Variants in DST observed in about 807,000 individuals in gnomAD.
DST encodes dystonin.
A neutral mutation model predicts 875.2 loss-of-function variants in DST; 253 were observed. The ratio of observed to expected loss-of-function variants is 0.29; its 90% CI spans 0.26 to 0.32. The LOEUF (loss-of-function observed/expected upper bound fraction) is 0.32, where lower values mean the gene tolerates loss of function less well. DST is among the 10% of genes least tolerant of loss of function. DST has a pLI of 1.00. For synonymous variants in DST, 3,124 were observed against 3,197.1 expected (o/e 0.98, Z 0.77); for missense variants, 8,287 against 9,111.6 (o/e 0.91, Z 3.68).
chr6:56,759,890 G>T (rs1343727857), intron 4 of DST, among the ~76,000 whole-genome samples: 1 of 152,208 alleles, frequency 6.6e-6, no homozygotes, highest in Non-Finnish European at 1.5e-5. Context: ...TCTAAGCAAA[G>T]TGAGTCCTTG....
chr6:56,460,373 G>A, intron 102 of DST, 119 bp from the exon 103 acceptor site: 1 of 1,043,984 alleles, frequency 9.6e-7, no homozygotes, highest in Non-Finnish European at 1.4e-6. Flanking sequence ...AGGAGGTGAA[G>A]GGGGAGAAAC....
In DST at chr6:56,899,227, T is replaced by C. The variant is rs545694666; in HGVS notation, c.417+1194A>G. On this transcript the variant is annotated intron_variant, in intron 3 of 103. Coordinates refer to ENST00000680361, the MANE Select transcript of DST (RefSeq NM_001374736.1). ...ATCTGTATGTCCCTTATTTTCTACA[T>C]AAAATGCATGTTTGTTGAATGAGTA... is the stretch of plus-strand genomic sequence containing the variant. Among the ~76,000 whole-genome samples the C allele has an allele frequency of 1.2e-3, 189 of 152,370 alleles. 2 individuals are homozygous for C. In the South Asian group the frequency reaches 0.015, roughly 12 times the overall value.
intron 3 of DST, among the ~76,000 whole-genome samples, chr6:56,867,916 C>A (rs1310090010): frequency 6.6e-6 from 1 of 152,088 alleles, no homozygotes; most frequent in Admixed American, 6.5e-5. Context: ...GCATCTCAGA[C>A]TTCTTGATTC....
intron 3 of DST, among the ~76,000 whole-genome samples, chr6:56,868,077 G>A (rs1332289395): frequency 6.6e-6 from 1 of 151,840 alleles, no homozygotes; most frequent in Admixed American, 6.6e-5. Context: ...TAAATGTCTG[G>A]GTTTTCTAAA....
intron 10 of DST, among the ~76,000 whole-genome samples, chr6:56,661,955 A>C (rs1420421352): frequency 1.3e-5 from 2 of 152,152 alleles, no homozygotes; most frequent in Non-Finnish European, 2.9e-5. Context: ...TTTTCCCCCT[A>C]AACTCGTAAT....
chr6:56,717,707 C>A lies in DST; in HGVS notation c.688-13338G>T, dbSNP rs77741145. ...CCACCAATTACTATTTTGGCTCCACCCAGAAATGACACAGGTTCATAAGGA... is the reference window on the plus strand; with the variant it reads ...CCACCAATTACTATTTTGGCTCCACACAGAAATGACACAGGTTCATAAGGA... On this transcript the variant is annotated intron_variant, in intron 5 of 103. Coordinates refer to ENST00000680361, the MANE Select transcript of DST (RefSeq NM_001374736.1). Among the ~76,000 whole-genome samples, 1,442 of 151,870 alleles carry A rather than the reference C, an allele frequency of 9.5e-3. 24 individuals carry two copies. The highest frequency in any genetic ancestry group is 0.033 in the African/African-American group (1,367 of 41,336).
intron 69 of DST, among the ~76,000 whole-genome samples, chr6:56,519,294 T>C (rs561556215): frequency 1.3e-5 from 2 of 152,270 alleles, no homozygotes; most frequent in African/African-American, 4.8e-5. Context: ...AACCACTCTA[T>C]TCCAACCAAA....
rs997675488 is a variant in DST at position 56,954,675 on chromosome 6, C to T, written c.-88G>A. On this transcript the variant is annotated 5_prime_UTR_variant, in exon 1 of 104. Transcript: ENST00000680361. ...GCTGGGCGCACGCCGGGACGGCGGG[C>T]ACGGGTGAGCGCGGCTCAGCGCGTC... is the stretch of plus-strand genomic sequence containing the variant. The T allele has an allele frequency of 7.4e-6, 7 of 944,024 alleles. No homozygotes were observed. The highest frequency in any genetic ancestry group is 9.3e-6 in the Non-Finnish European group (7 of 756,348). The allele number at this position is 944,024 out of a possible 1,614,324, so 58.5% of individuals were successfully genotyped here. A position where few individuals can be genotyped will look rare whatever the true frequency, so the allele number is the denominator to read the frequency against.
chr6:56,930,507 T>G lies in DST; in HGVS notation c.216+23278A>C, dbSNP rs900607216. Among the ~76,000 whole-genome samples, 13 of 152,228 alleles carry G rather than the reference T, an allele frequency of 8.5e-5. 1 individual carries two copies. The highest frequency in any genetic ancestry group is 2.2e-4 in the African/African-American group (9 of 41,450). On this transcript the variant is annotated intron_variant, in intron 2 of 103. Transcript: ENST00000680361. ...AAATCTTTAGTTATATCTTCCTTTTTGTATACAATATTCAATGATAGATTT... is the reference window on the plus strand; with the variant it reads ...AAATCTTTAGTTATATCTTCCTTTTGGTATACAATATTCAATGATAGATTT...
chr6:56,704,138 C>G (rs759050010), intron 6 of DST, 142 bp downstream of exon 6: 3 of 464,240 alleles, frequency 6.5e-6, no homozygotes, highest in Non-Finnish European at 1.1e-5. Flanking sequence ...AGGAATCTAA[C>G]CAAAACTTCT....
chr6:56,613,263 A>G (rs1311832903), intron 37 of DST, among the ~76,000 whole-genome samples: 1 of 152,200 alleles, frequency 6.6e-6, no homozygotes, highest in Non-Finnish European at 1.5e-5. Context: ...GCTTTCCCAC[A>G]TCTCCCACAT....
chr6:56,679,733 C>A (rs1157231940), intron 9 of DST, among the ~76,000 whole-genome samples: 2 of 152,162 alleles, frequency 1.3e-5, no homozygotes, highest in East Asian at 3.9e-4. Context: ...GACTATGCCA[C>A]TACACTCCAG....
At chr6:56,828,972 C>A (rs1021899753) in intron 4 of DST, among the ~76,000 whole-genome samples, 10 of 152,094 alleles carry the variant, frequency 6.6e-5, no homozygotes, top group African/African-American at 1.9e-4. Context: ...AGCTGAAGAC[C>A]ACAGTCCCTA....
At position 56,899,354 on chromosome 6, in the gene DST, CT is replaced by C. The variant is rs565444306; in HGVS notation, c.417+1066del. Among the ~76,000 whole-genome samples, 63 of 152,074 alleles carry C rather than the reference CT, an allele frequency of 4.1e-4. 1 individual carries two copies. Among genetic ancestry groups the C allele is most frequent in the African/African-American group, 1.5e-3 (61 of 41,484 alleles). ...ATAAACCCTCATTTCTAAATATGTA[CT>C]TTTTTTTCAATTGGTTATGATAAAC... On this transcript the variant is annotated intron_variant, in intron 3 of 103. Coordinates refer to ENST00000680361, the MANE Select transcript of DST (RefSeq NM_001374736.1).
intron 49 of DST, among the ~76,000 whole-genome samples, chr6:56,591,293 G>A (rs747187478): frequency 1.3e-5 from 2 of 152,182 alleles, no homozygotes; most frequent in African/African-American, 2.4e-5. Context: ...AAGAGCAGGT[G>A]GACTTTTTGA....
At chr6:56,871,622 C>A (rs1777144312) in intron 3 of DST, 1 of 760,954 alleles carries the variant, frequency 1.3e-6, no homozygotes, top group East Asian at 2.5e-5. Context: ...GCTCTCTCTG[C>A]CACATCGAGA....
chr6:56,900,669 G>T, intron 2 of DST, 48 bp from the exon 3 acceptor site: 1 of 1,318,644 alleles, frequency 7.6e-7, no homozygotes, highest in Non-Finnish European at 1.0e-6. Context: ...TATTGAGTTA[G>T]TCTGGAAGTT....
At chr6:56,837,899 C>A in intron 4 of DST, among the ~76,000 whole-genome samples, 1 of 124,660 alleles carries the variant, frequency 8.0e-6, no homozygotes, top group Non-Finnish European at 1.9e-5. Flanking sequence ...CAAAAGCAAA[C>A]AAAATTGCAT....
At chr6:56,758,415 C>T (rs1411835847) in intron 4 of DST, among the ~76,000 whole-genome samples, 1 of 148,682 alleles carries the variant, frequency 6.7e-6, no homozygotes, top group Non-Finnish European at 1.5e-5. Flanking sequence ...AGCAATGTGA[C>T]AAAAGGAACC....
Sources: allele counts gnomAD v4.1 joint callset (sites outside exome capture counted in the v4.1 genomes callset), GRCh38; gene constraint gnomAD v4.1.1; transcripts MANE v1.5; gene names NCBI Gene and HGNC (gene_info 2026-07-23, HGNC 2026-07-21).